Variants in DNAH9 observed in about 807,000 individuals in gnomAD.
DNAH9 encodes dynein axonemal heavy chain 9, also known as DNAH9 variant protein.
In DNAH9, 345 loss-of-function variants were observed where a neutral mutation model predicts 471.6. The observed-to-expected ratio is 0.73, with a 90% CI of 0.67 to 0.80. The LOEUF is 0.80. Ranked by LOEUF, DNAH9 falls within the 30% of genes least tolerant of loss-of-function variation. DNAH9 has a pLI of 0.00. For synonymous variants in DNAH9, 2,093 were observed against 2,123.6 expected (o/e 0.99, Z 0.40); for missense variants, 5,407 against 5,609.2 (o/e 0.96, Z 1.15).
At chr17:11,893,196 T>G (rs113202542) in intron 58 of DNAH9, among the ~76,000 whole-genome samples, 2 of 55,892 alleles carry the variant, frequency 3.6e-5, no homozygotes, top group Non-Finnish European at 9.4e-5. Flanking sequence ...AAAAAAAAAA[T>G]GTGGGCCCCA....
chr17:11,838,033 CA>C (rs1970904031), intron 49 of DNAH9, among the ~76,000 whole-genome samples: 1 of 152,056 alleles, frequency 6.6e-6, no homozygotes, highest in Non-Finnish European at 1.5e-5. Flanking sequence ...TTAAGATATA[CA>C]AGAAAGAAAT....
intron 1 of DNAH9, among the ~76,000 whole-genome samples, chr17:11,600,674 G>A (rs2072366271): frequency 6.6e-6 from 1 of 151,920 alleles, no homozygotes; most frequent in East Asian, 1.9e-4. Flanking sequence ...TTGAGGCAGG[G>A]TCTTGCTATG....
At chr17:11,704,646 C>T (rs1404274975) in intron 25 of DNAH9, among the ~76,000 whole-genome samples, 5 of 151,030 alleles carry the variant, frequency 3.3e-5, no homozygotes, top group East Asian at 2.0e-4. Flanking sequence ...TGCAATGGCA[C>T]GATCTCGGCT....
chr17:11,772,103 C>T (rs924788148), intron 38 of DNAH9, among the ~76,000 whole-genome samples: 2 of 152,044 alleles, frequency 1.3e-5, no homozygotes, highest in Admixed American at 1.3e-4. Context: ...TTGAAAGCTG[C>T]AATAAATATT....
intron 59 of DNAH9, among the ~76,000 whole-genome samples, chr17:11,896,750 TAAGTA>T (rs1181791250): frequency 1.3e-5 from 2 of 152,198 alleles, no homozygotes; most frequent in African/African-American, 2.4e-5. Context: ...GCAAACCACT[TAAGTA>T]ATTTTAAATT....
chr17:11,728,707 G>T (rs1383650341), intron 28 of DNAH9, among the ~76,000 whole-genome samples: 1 of 152,068 alleles, frequency 6.6e-6, no homozygotes, highest in Non-Finnish European at 1.5e-5. Context: ...GGAGGGTGAA[G>T]GGGGGGAACG....
chr17:11,651,368 G>A lies in DNAH9; in HGVS notation c.2353+44G>A, dbSNP rs760215211. The stretch of plus-strand genomic sequence containing the variant: ...AAGTCTGACAAAAACATGGAGATTC[G>A]AGGATCTAATAAAGTTCATAGAACC... On this transcript the variant is annotated intron_variant, in intron 13 of 68. Coordinates refer to ENST00000262442, the MANE Select transcript of DNAH9 (RefSeq NM_001372.4). The A allele has an allele frequency of 5.1e-5, 81 of 1,573,224 alleles. 1 individual carries two copies. The highest frequency in any genetic ancestry group is 6.8e-5 in the African/African-American group (5 of 73,508).
At position 11,664,829 on chromosome 17, in the gene DNAH9, A is replaced by G; in HGVS notation, c.2596-4A>G. The G allele has an allele frequency of 6.2e-7, 1 of 1,611,388 alleles. No homozygotes were observed. The highest frequency in any genetic ancestry group is 1.1e-5 in the South Asian group (1 of 90,836). ...GTTTATATCCTTTCTTCTTCCTTTT[A>G]TAGGAAAACCTGGGTCTATTTTCAG... On this transcript the variant is annotated splice_polypyrimidine_tract_variant and splice_region_variant and intron_variant, in intron 14 of 68. Coordinates refer to ENST00000262442, the MANE Select transcript of DNAH9 (RefSeq NM_001372.4).
Position 11,617,477 on chromosome 17 carries a change from A to C in DNAH9, c.971A>C (p.Glu324Ala). The C allele has an allele frequency of 3.1e-6, 5 of 1,614,152 alleles. No individual in the cohort carries two copies. Among genetic ancestry groups the C allele is most frequent in the Non-Finnish European group, 4.2e-6 (5 of 1,180,014 alleles). ...IPLQRHLEAL[E>A]NAEFPEVKPQ... ...CTCCAGCGCCACCTGGAAGCTCTGG[A>C]GAATGCAGAATTTCCGGAGGTGAAG... The change falls in exon 5 of 69, where the codon GAG becomes GCG. Residue 324 changes from glutamate (E) to alanine (A), a missense_variant. Coordinates refer to ENST00000262442, the MANE Select transcript of DNAH9 (RefSeq NM_001372.4).
In DNAH9 at chr17:11,932,459, T is replaced by C. The variant is rs929430473; in HGVS notation, c.12297+254T>C. Among the ~76,000 whole-genome samples, 2 of 152,192 alleles carry C rather than the reference T, an allele frequency of 1.3e-5. No individual in the cohort carries two copies. The highest frequency in any genetic ancestry group is 4.8e-5 in the African/African-American group (2 of 41,456). On this transcript the variant is annotated intron_variant, in intron 64 of 68. Transcript: ENST00000262442. This position sits in a 1 kb window ranked among gnomAD's most constrained non-coding sequence, Gnocchi z 4.3. ...CCTTGATAGTACAAATCGGAGCCCA[T>C]GCATCAACATCATTGGCAGGACCTG... is the stretch of plus-strand genomic sequence containing the variant.
At chr17:11,769,463 C>A in intron 38 of DNAH9, 134 bp downstream of exon 38, 1 of 739,142 alleles carries the variant, frequency 1.4e-6, no homozygotes, top group Non-Finnish European at 2.3e-6. Flanking sequence ...TCCTCCCACA[C>A]GCCCCTTCTC....
intron 57 of DNAH9, among the ~76,000 whole-genome samples, chr17:11,890,464 C>T (rs1380061267): frequency 6.6e-6 from 1 of 151,600 alleles, no homozygotes; most frequent in Non-Finnish European, 1.5e-5. Flanking sequence ...TCACATTTTC[C>T]TACTTTGCAA....
chr17:11,678,759 G>A (rs1368069892), intron 17 of DNAH9, among the ~76,000 whole-genome samples: 1 of 151,864 alleles, frequency 6.6e-6, no homozygotes, highest in Non-Finnish European at 1.5e-5. Flanking sequence ...GGGCTTTCTT[G>A]ATCTTACATT....
intron 26 of DNAH9, among the ~76,000 whole-genome samples, chr17:11,705,826 A>G (rs1383248838): frequency 6.6e-6 from 1 of 152,208 alleles, no homozygotes. Context: ...ATGTAATAAA[A>G]TATCACATAT....
intron 59 of DNAH9, among the ~76,000 whole-genome samples, chr17:11,896,367 G>C (rs531776188): frequency 6.6e-6 from 1 of 152,212 alleles, no homozygotes; most frequent in Non-Finnish European, 1.5e-5. Flanking sequence ...GCCAAAGCCA[G>C]TCACAGTATA....
rs757478893 is a variant in DNAH9, at chr17:11,652,838, G to T, written c.2431G>T (p.Val811Leu). Residue 811 changes from valine to leucine, a missense_variant, in exon 14 of 69, where the codon GTG becomes TTG. Val to Leu is a conservative substitution (Grantham distance 32). Transcript: ENST00000262442. Reference sequence around the variant, plus strand: ...AAGAATTCAGAAAACTAAAGACAATGTGGAAGAGATCCAAAACATCATGAA... The same window carrying T: ...AAGAATTCAGAAAACTAAAGACAATTTGGAAGAGATCCAAAACATCATGAA... ...EQRIQKTKDN[V>L]EEIQNIMKTW... 1.2e-6 allele frequency: 2 copies of T among 1,613,952 alleles called. No individual in the cohort carries two copies. The highest frequency in any genetic ancestry group is 1.7e-6 in the Non-Finnish European group (2 of 1,179,854).
intron 38 of DNAH9, 36 bp downstream of exon 38, chr17:11,769,365 TG>T (rs777328004): frequency 2.6e-6 from 4 of 1,556,042 alleles, no homozygotes; most frequent in Non-Finnish European, 3.5e-6. Context: ...GGGGGGCATC[TG>T]GGTGGCCGTG....
intron 67 of DNAH9, among the ~76,000 whole-genome samples, chr17:11,958,431 T>A (rs949454072): frequency 6.6e-6 from 1 of 152,246 alleles, no homozygotes; most frequent in Admixed American, 6.5e-5. Flanking sequence ...CAATGACATA[T>A]ACTAAAATGG....
rs993555583 is a variant in DNAH9 at position 11,894,578 on chromosome 17, G to T, written c.11406+82G>T. ...ACACTGGTCCCCATGAAGTCAGCAG[G>T]GCTCTCTGTTGGAGTTCAAGCATGG... On this transcript the variant is annotated intron_variant, in intron 59 of 68. Coordinates refer to ENST00000262442, the MANE Select transcript of DNAH9 (RefSeq NM_001372.4). 7 of 1,558,708 alleles carry T rather than the reference G, an allele frequency of 4.5e-6. No homozygotes were observed. In the East Asian group the frequency reaches 1.6e-4, roughly 35 times the overall value.
Sources: allele counts gnomAD v4.1 joint callset (sites outside exome capture counted in the v4.1 genomes callset), GRCh38; gene constraint gnomAD v4.1.1; non-coding constraint Gnocchi (gnomAD v3.1); transcripts MANE v1.5; gene names NCBI Gene and HGNC (gene_info 2026-07-23, HGNC 2026-07-21).